Variants in NR1I2 observed in about 807,000 individuals in gnomAD.
NR1I2 encodes orphan nuclear receptor PAR1.
A neutral mutation model predicts 43.3 loss-of-function variants in NR1I2; 42 were observed. The ratio of observed to expected loss-of-function variants is 0.97; its 90% CI spans 0.76 to 1.26. The LOEUF (loss-of-function observed/expected upper bound fraction) is 1.26. Ranked by LOEUF, NR1I2 falls within the 50% of genes most tolerant of loss-of-function variation. NR1I2 has a pLI of 0.00. For synonymous variants in NR1I2, 229 were observed against 215.0 expected (o/e 1.06, Z -0.57); for missense variants, 559 against 566.7 (o/e 0.99, Z 0.14).
intron 1 of NR1I2, among the ~76,000 whole-genome samples, chr3:119,785,734 C>T (rs1215232186): frequency 3.9e-5 from 6 of 152,196 alleles, no homozygotes; most frequent in African/African-American, 1.4e-4. Context: ...CCTCTTGAGA[C>T]TTCCTTTACT....
intron 2 of NR1I2, 73 bp downstream of exon 2, chr3:119,807,520 G>A: frequency 7.3e-7 from 1 of 1,371,802 alleles, no homozygotes; most frequent in South Asian, 1.2e-5. Context: ...GCCTCAGCTT[G>A]ACCTGTCCCC....
Position 119,817,963 on chromosome 3 carries a change from C to T in NR1I2, c.*751C>T. ...TTATAGTTAAAAAAACAAACAGAAA[C>T]ACAAACGATTTGGATCAAAAGGAGA... On this transcript the variant is annotated 3_prime_UTR_variant, in exon 9 of 9. Coordinates refer to ENST00000393716, the MANE Select transcript of NR1I2 (RefSeq NM_003889.4). The T allele has an allele frequency of 1.0e-6, 1 of 985,098 alleles. No individual in the cohort carries two copies. The highest frequency in any genetic ancestry group is 1.2e-6 in the Non-Finnish European group (1 of 829,696). The allele number at this position is 985,098 out of a possible 1,614,324, so 61.0% of individuals were successfully genotyped here. A position where few individuals can be genotyped will look rare whatever the true frequency, so the allele number is the denominator to read the frequency against.
intron 2 of NR1I2, 82 bp from the exon 3 acceptor site, chr3:119,809,979 A>G (rs1203403922): frequency 8.9e-6 from 14 of 1,569,272 alleles, no homozygotes; most frequent in African/African-American, 1.4e-5. Context: ...GGGGCTGGGG[A>G]GGGAGGTGGT....
chr3:119,816,168 G>A (rs1369622544), intron 8 of NR1I2, among the ~76,000 whole-genome samples: 4 of 152,214 alleles, frequency 2.6e-5, no homozygotes, highest in African/African-American at 9.7e-5. Context: ...GAGTATTATA[G>A]TGTGAACCTA....
chr3:119,797,510 TACAG>T (rs1577274701), intron 1 of NR1I2, among the ~76,000 whole-genome samples: 3 of 152,160 alleles, frequency 2.0e-5, no homozygotes, highest in South Asian at 2.1e-4. Context: ...ACTGAGGAAA[TACAG>T]ACAATTATAG....
chr3:119,784,435 T>G (rs1362395127), intron 1 of NR1I2, among the ~76,000 whole-genome samples: 29 of 152,190 alleles, frequency 1.9e-4, no homozygotes, highest in Admixed American at 1.8e-3. Context: ...GTTTTTTATT[T>G]ATTCTCAATG....
chr3:119,812,235 C>T (rs535785691), intron 4 of NR1I2, among the ~76,000 whole-genome samples: 1 of 152,220 alleles, frequency 6.6e-6, no homozygotes, highest in East Asian at 1.9e-4. Context: ...TCTAAGTGCC[C>T]TCCTTCCCCT....
At chr3:119,800,725 G>T (rs757488464) in intron 1 of NR1I2, among the ~76,000 whole-genome samples, 1 of 152,082 alleles carries the variant, frequency 6.6e-6, no homozygotes, top group Admixed American at 6.6e-5. Context: ...AAGGTTCCTC[G>T]GTCCATTCTT....
Position 119,817,370 on chromosome 3 carries a change from C to T in NR1I2, c.*158C>T. Reference sequence around the variant, plus strand: ...CCTGCTATGACAGCTGGCTAGCATTCCTCAGGAAGGACATGGGTGCCCCCC... The same window carrying T: ...CCTGCTATGACAGCTGGCTAGCATTTCTCAGGAAGGACATGGGTGCCCCCC... On this transcript the variant is annotated 3_prime_UTR_variant, in exon 9 of 9. Coordinates refer to ENST00000393716, the MANE Select transcript of NR1I2 (RefSeq NM_003889.4). The T allele has an allele frequency of 2.6e-6, 4 of 1,512,572 alleles. No individual in the cohort carries two copies. In the South Asian group the frequency reaches 3.7e-5, roughly 14 times the overall value. The allele number at this position is 1,512,572 out of a possible 1,614,324, so 93.7% of individuals were successfully genotyped here.
chr3:119,817,837 G>A lies in NR1I2; in HGVS notation c.*625G>A, dbSNP rs572374431. ...CCTCATTCCGGCCACATCATTCTGT[G>A]TCTCTGCATCCATTTGAACACATTA... On this transcript the variant is annotated 3_prime_UTR_variant, in exon 9 of 9. Coordinates refer to ENST00000393716, the MANE Select transcript of NR1I2 (RefSeq NM_003889.4). 1 of 996,764 alleles carries A rather than the reference G, an allele frequency of 1.0e-6. No individual in the cohort carries two copies. The highest frequency in any genetic ancestry group is 1.2e-6 in the Non-Finnish European group (1 of 835,686). The allele number at this position is 996,764 out of a possible 1,614,324, so 61.7% of individuals were successfully genotyped here. A position where few individuals can be genotyped will look rare whatever the true frequency, so the allele number is the denominator to read the frequency against.
In NR1I2 at chr3:119,814,999, A is replaced by G; in HGVS notation, c.815A>G (p.Gln272Arg). The change falls in exon 6 of 9, where the codon CAG becomes CGG. Residue 272 changes from glutamine to arginine, a missense_variant. Physicochemically the swap from Gln to Arg is conservative, Grantham distance 43 (BLOSUM62 1). Coordinates refer to ENST00000393716, the MANE Select transcript of NR1I2 (RefSeq NM_003889.4). ...GCCAGGGACTTGCCCATCGAGGACC[A>G]GATCTCCCTGCTGAAGGGGGCCGCT... The G allele has an allele frequency of 6.2e-7, 1 of 1,614,188 alleles. No individual in the cohort carries two copies. The highest frequency in any genetic ancestry group is 8.5e-7 in the Non-Finnish European group (1 of 1,180,026).
Position 119,806,998 on chromosome 3 carries a change from G to C in NR1I2, c.-22-231G>C, listed in dbSNP as rs551721398. ...TTACCCTTATCTTTCCCATGCTCCT[G>C]TTCACATGTTCTACTCCAGGGCTCT... On this transcript the variant is annotated intron_variant, in intron 1 of 8. Transcript: ENST00000393716. Among the ~76,000 whole-genome samples, 4 of 152,150 alleles carry C rather than the reference G, an allele frequency of 2.6e-5. No homozygotes were observed. In the South Asian group the frequency reaches 6.2e-4, roughly 24 times the overall value.
chr3:119,803,685 C>T (rs1223234778), intron 1 of NR1I2, among the ~76,000 whole-genome samples: 2 of 152,112 alleles, frequency 1.3e-5, no homozygotes, highest in Non-Finnish European at 2.9e-5. Context: ...TTCTCTAATA[C>T]AAAATCTGTC....
chr3:119,817,874 T>C lies in NR1I2; in HGVS notation c.*662T>C. ...ATTTGAACACATTATTAAGCACCGA[T>C]AATAGGTAGCCTGCTGTGGGGTATA... On this transcript the variant is annotated 3_prime_UTR_variant, in exon 9 of 9. Transcript: ENST00000393716. The C allele has an allele frequency of 1.0e-6, 1 of 988,622 alleles. No individual in the cohort carries two copies. Among genetic ancestry groups the C allele is most frequent in the Non-Finnish European group, 1.2e-6 (1 of 831,628 alleles). 61.2% of individuals were successfully genotyped at this position (988,622 alleles called of 1,614,324 possible). A position where few individuals can be genotyped will look rare whatever the true frequency, so the allele number is the denominator to read the frequency against.
rs141624971 is a variant in NR1I2 at position 119,812,847 on chromosome 3, C to T, written c.681C>T (p.Pro227=). ...ATGGCAGTGTCTGGAACTACAAACC[C>T]CCAGCCGACAGTGGCGGGAAAGAGA... The change falls in exon 5 of 9, where the codon CCC becomes CCT. Residue 227 remains proline (P), a synonymous_variant. Coordinates refer to ENST00000393716, the MANE Select transcript of NR1I2 (RefSeq NM_003889.4). 3.1e-6 allele frequency: 5 copies of T among 1,614,218 alleles called. No homozygotes were observed. The South Asian group carries it at 4.4e-5, about 14-fold the overall frequency.
intron 1 of NR1I2, among the ~76,000 whole-genome samples, chr3:119,797,166 T>C (rs143942848): frequency 1.5e-3 from 203 of 135,546 alleles, no homozygotes; most frequent in Middle Eastern, 3.7e-3. Flanking sequence ...TCTTAGCAAA[T>C]GAAGTAACTG....
intron 1 of NR1I2, chr3:119,791,689 C>G (rs72554010): frequency 5.8e-6 from 2 of 345,920 alleles, no homozygotes; most frequent in Non-Finnish European, 5.6e-6. Context: ...CTGAGGCGGG[C>G]GGATCACTTG....
rs1559790718 is a variant in NR1I2 at position 119,812,812 on chromosome 3, C to CG, written c.652dup (p.Glu218GlyfsTer28). ...CTCTTTGAAGGTCTCTCTGCAGCTG[C>CG]GGGGGGAGGATGGCAGTGTCTGGAA... is the stretch of plus-strand genomic sequence containing the variant. On this transcript the variant is annotated frameshift_variant, in exon 5 of 9. Coordinates refer to ENST00000393716, the MANE Select transcript of NR1I2 (RefSeq NM_003889.4). LOFTEE classifies it high-confidence loss of function. The CG allele has an allele frequency of 1.2e-6, 2 of 1,614,200 alleles. No homozygotes were observed. Among genetic ancestry groups the CG allele is most frequent in the Non-Finnish European group, 1.7e-6 (2 of 1,180,040 alleles).
At chr3:119,783,201 G>A (rs34255376) in intron 1 of NR1I2, among the ~76,000 whole-genome samples, 52,453 of 152,132 alleles carry the variant, frequency 0.34, 9,330 homozygotes, top group Middle Eastern at 0.39. Flanking sequence ...ACACAAATAC[G>A]CTTTAAAAAT....
Sources: gnomAD v4.1 joint callset for allele counts (sites outside exome capture counted in the v4.1 genomes callset) on GRCh38, gnomAD v4.1.1 for gene constraint, MANE v1.5 for transcripts, NCBI Gene and HGNC (gene_info 2026-07-23, HGNC 2026-07-21) for gene names.